Variants in DNAI4 observed in about 807,000 individuals in gnomAD.
DNAI4 encodes WD repeat domain 78.
DNAI4 carries 85 observed loss-of-function variants against 105.8 expected under a neutral mutation model. The observed-to-expected ratio is 0.80, with a 90% CI of 0.67 to 0.96. The LOEUF is 0.96. Among genes scored for constraint, DNAI4 ranks in the 40% least tolerant of loss-of-function variants. The pLI is 0.00. For synonymous variants in DNAI4, 352 were observed against 331.5 expected (o/e 1.06, Z -0.67); for missense variants, 1,014 against 1,005.6 (o/e 1.01, Z -0.11).
intron 1 of DNAI4, among the ~76,000 whole-genome samples, chr1:66,906,292 C>T (rs1376314191): frequency 1.3e-5 from 2 of 152,114 alleles, no homozygotes; most frequent in South Asian, 2.1e-4. Flanking sequence ...TGGATTTACC[C>T]TGTAAATTCC....
At chr1:66,827,447 G>A (rs902253115) in intron 14 of DNAI4, among the ~76,000 whole-genome samples, 26 of 151,882 alleles carry the variant, frequency 1.7e-4, no homozygotes, top group Admixed American at 1.5e-3. Context: ...AAGATAAAGT[G>A]GAAGTTCAAG....
intron 1 of DNAI4, among the ~76,000 whole-genome samples, chr1:66,906,611 G>C (rs561448174): frequency 2.0e-5 from 3 of 152,152 alleles, no homozygotes; most frequent in South Asian, 4.1e-4. Context: ...GTTCACTGCT[G>C]TATCCCTAGC....
intron 1 of DNAI4, among the ~76,000 whole-genome samples, chr1:66,923,894 T>C (rs558570392): frequency 5.9e-5 from 9 of 152,338 alleles, no homozygotes; most frequent in Middle Eastern, 3.4e-3. Flanking sequence ...TGTGTGCTTT[T>C]CTACAGTCTT....
chr1:66,893,019 AAAGAAAGAAAGAGAG>A lies in DNAI4; in HGVS notation c.530+195_530+209del, dbSNP rs1367746052. The stretch of plus-strand genomic sequence containing the variant: ...AAAGAGAGAAAGAGAGAGAGGAAAG[AAAGAAAGAAAGAGAG>A]GAAAGAAAGAAAGAAAGAAAGAGAG... On this transcript the variant is annotated intron_variant, in intron 3 of 16. Coordinates refer to ENST00000371026, the MANE Select transcript of DNAI4 (RefSeq NM_024763.5). Among the ~76,000 whole-genome samples the A allele has an allele frequency of 4.6e-4, 64 of 140,234 alleles. 2 individuals carry two copies. The highest frequency in any genetic ancestry group is 1.6e-3 in the African/African-American group (59 of 36,350). The allele number at this position is 140,234 out of a possible 152,430, so 92.0% of individuals were successfully genotyped here. A position where few individuals can be genotyped will look rare whatever the true frequency, so the allele number is the denominator to read the frequency against.
At chr1:66,872,498 G>A (rs1646868428) in intron 5 of DNAI4, among the ~76,000 whole-genome samples, 1 of 151,950 alleles carries the variant, frequency 6.6e-6, no homozygotes, top group Admixed American at 6.6e-5. Context: ...CCAAAGCGCT[G>A]GGATTACAGG....
chr1:66,817,230 A>G (rs775094572), intron 16 of DNAI4, among the ~76,000 whole-genome samples: 6 of 152,182 alleles, frequency 3.9e-5, no homozygotes, highest in Non-Finnish European at 7.3e-5. Flanking sequence ...TTTTCTCATT[A>G]GCATGTTTTT....
At chr1:66,870,263 G>T (rs2100651413) in intron 6 of DNAI4, among the ~76,000 whole-genome samples, 1 of 152,036 alleles carries the variant, frequency 6.6e-6, no homozygotes, top group Admixed American at 6.6e-5. Flanking sequence ...TCAACATGGT[G>T]AAACCCCATC....
chr1:66,905,836 T>C (rs1363084023), intron 1 of DNAI4, among the ~76,000 whole-genome samples: 5 of 152,040 alleles, frequency 3.3e-5, no homozygotes. Context: ...CATGAGTGTG[T>C]AGTGCAGTTA....
At chr1:66,845,227 A>T (rs1646252218) in intron 8 of DNAI4, among the ~76,000 whole-genome samples, 1 of 132,554 alleles carries the variant, frequency 7.5e-6, no homozygotes, top group Non-Finnish European at 1.7e-5. Flanking sequence ...TAAAAAAAAA[A>T]AAAAAAAGGC....
intron 6 of DNAI4, among the ~76,000 whole-genome samples, chr1:66,866,063 T>C (rs1423092244): frequency 1.3e-5 from 2 of 152,054 alleles, no homozygotes; most frequent in African/African-American, 2.4e-5. Flanking sequence ...TCCCAGCACT[T>C]TGGGAGGCTG....
chr1:66,844,102 A>AAAC (rs1646217256), intron 8 of DNAI4, among the ~76,000 whole-genome samples: 1 of 146,834 alleles, frequency 6.8e-6, no homozygotes, highest in East Asian at 2.2e-4. Flanking sequence ...AAAAAAAAAA[A>AAAC]AAAAACTTTA....
At chr1:66,877,229 TCTC>T (rs1646976671) in intron 4 of DNAI4, among the ~76,000 whole-genome samples, 1 of 152,094 alleles carries the variant, frequency 6.6e-6, no homozygotes, top group South Asian at 2.1e-4. Flanking sequence ...CTTCCTCCCT[TCTC>T]CTCACTTGTC....
At chr1:66,893,128 G>A in intron 3 of DNAI4, 101 bp downstream of exon 3, 1 of 430,616 alleles carries the variant, frequency 2.3e-6, no homozygotes, top group Middle Eastern at 6.6e-4. Context: ...AAAGAAACTG[G>A]GAGACTGGAG....
At chr1:66,899,199 G>A (rs559933481) in intron 2 of DNAI4, among the ~76,000 whole-genome samples, 1 of 152,114 alleles carries the variant, frequency 6.6e-6, no homozygotes, top group Non-Finnish European at 1.5e-5. Context: ...TTTACAAAGT[G>A]GCTAATTTAT....
chr1:66,853,713 A>G (rs921985160), intron 7 of DNAI4, among the ~76,000 whole-genome samples: 1 of 152,184 alleles, frequency 6.6e-6, no homozygotes, highest in African/African-American at 2.4e-5. Flanking sequence ...TAAGACAAGG[A>G]TGTCCCTCAA....
chr1:66,875,805 A>C (rs992974478), intron 4 of DNAI4, among the ~76,000 whole-genome samples: 2 of 152,132 alleles, frequency 1.3e-5, no homozygotes, highest in African/African-American at 2.4e-5. Context: ...CTAAAAAAAA[A>C]CAAGTTATTA....
intron 3 of DNAI4, 111 bp downstream of exon 3, chr1:66,893,117 GA>G: frequency 1.9e-6 from 1 of 517,110 alleles, no homozygotes. Flanking sequence ...AAGAAAGAAA[GA>G]AAGAAACTGG....
chr1:66,822,443 T>C lies in DNAI4; in HGVS notation c.2414A>G (p.Asp805Gly). 1 of 1,613,654 alleles carries C rather than the reference T, an allele frequency of 6.2e-7. No individual in the cohort carries two copies. Among genetic ancestry groups the C allele is most frequent in the Non-Finnish European group, 8.5e-7 (1 of 1,179,800 alleles). The change falls in exon 16 of 17, where the codon GAT becomes GGT. Residue 805 changes from aspartate to glycine, a missense_variant. Asp to Gly is a moderately conservative substitution (Grantham distance 94). Coordinates refer to ENST00000371026, the MANE Select transcript of DNAI4 (RefSeq NM_024763.5). ...ATCACTGTCTCCTACCAGAAGGCAA[T>C]CTGTTTGTTTGGCAAAGAGAATGGT... is the stretch of plus-strand genomic sequence containing the variant. ...FTTILFAKQT[D>G]CLLVGDSDGQ...
At chr1:66,916,288 TAAAG>T (rs912658090) in intron 1 of DNAI4, among the ~76,000 whole-genome samples, 1 of 152,186 alleles carries the variant, frequency 6.6e-6, no homozygotes, top group South Asian at 2.1e-4. Flanking sequence ...TGCTTACAAA[TAAAG>T]AAATTGAGAT....
Sources: allele counts gnomAD v4.1 joint callset (sites outside exome capture counted in the v4.1 genomes callset), GRCh38; gene constraint gnomAD v4.1.1; transcripts MANE v1.5; gene names NCBI Gene and HGNC (gene_info 2026-07-23, HGNC 2026-07-21).